CADM2: variants seen among roughly 807,000 people sequenced by gnomAD.
CADM2 encodes the protein cell adhesion molecule 2.
CADM2 carries 12 observed loss-of-function variants against 49.8 expected under a neutral mutation model. The ratio of observed to expected loss-of-function variants is 0.24; its 90% CI spans 0.15 to 0.39. The LOEUF (loss-of-function observed/expected upper bound fraction) is 0.39, where lower values mean the gene tolerates loss of function less well. CADM2 is among the 10% of genes least tolerant of loss of function. CADM2 has a pLI of 1.00. For missense variants in CADM2, 378 were observed against 492.3 expected (o/e 0.77, Z 2.20); for synonymous variants, 214 against 175.4 (o/e 1.22, Z -1.74).
intron 1 of CADM2, among the ~76,000 whole-genome samples, chr3:85,648,448 G>A (rs1160320034): frequency 1.3e-5 from 2 of 151,880 alleles, no homozygotes; most frequent in African/African-American, 4.8e-5. Context: ...AGGGTTTAAT[G>A]CAATGCAAAG....
chr3:85,455,033 A>T (rs1466529066), intron 1 of CADM2, among the ~76,000 whole-genome samples: 3 of 152,228 alleles, frequency 2.0e-5, no homozygotes, highest in Admixed American at 6.5e-5. Context: ...TTGTGGACAA[A>T]TTAGCTATGC....
intron 1 of CADM2, among the ~76,000 whole-genome samples, chr3:85,069,730 T>C (rs1367796969): frequency 6.6e-6 from 1 of 152,150 alleles, no homozygotes; most frequent in Non-Finnish European, 1.5e-5. Flanking sequence ...AAATGCTCTG[T>C]AAAGACTGGG....
chr3:85,106,765 A>G (rs2038242446), intron 1 of CADM2, among the ~76,000 whole-genome samples: 1 of 152,122 alleles, frequency 6.6e-6, no homozygotes, highest in Non-Finnish European at 1.5e-5. Context: ...ACAAGGCAGA[A>G]TAGGGAGGGG....
chr3:85,779,719 G>C (rs1401749249), intron 2 of CADM2, among the ~76,000 whole-genome samples: 1 of 152,096 alleles, frequency 6.6e-6, no homozygotes, highest in African/African-American at 2.4e-5. Flanking sequence ...ACACAACCAA[G>C]CCATATCACC....
At position 85,709,527 on chromosome 3, in the gene CADM2, G is replaced by A. The variant is rs534166848; in HGVS notation, c.62-16995G>A. Among the ~76,000 whole-genome samples the A allele has an allele frequency of 4.6e-5, 7 of 152,178 alleles. No individual in the cohort carries two copies. In the South Asian group the frequency reaches 1.2e-3, roughly 27 times the overall value. ...GTGCTGAACCTACACTAACAAAAAT[G>A]GTTCTTATTTATGATGTGTCAAATT... On this transcript the variant is annotated intron_variant, in intron 1 of 9. Transcript: ENST00000383699.
At chr3:86,009,567 TA>T (rs2106895290) in intron 8 of CADM2, among the ~76,000 whole-genome samples, 1 of 152,010 alleles carries the variant, frequency 6.6e-6, no homozygotes, top group South Asian at 2.1e-4. Flanking sequence ...TTGTAGGTTT[TA>T]CTATGCTTTG....
intron 1 of CADM2, among the ~76,000 whole-genome samples, chr3:85,562,087 C>T (rs559324919): frequency 6.6e-6 from 1 of 152,022 alleles, no homozygotes; most frequent in African/African-American, 2.4e-5. Flanking sequence ...AGCTAGGTAA[C>T]GTTCACTAAG....
At chr3:86,003,519 A>G (rs982904256) in intron 8 of CADM2, among the ~76,000 whole-genome samples, 1 of 152,206 alleles carries the variant, frequency 6.6e-6, no homozygotes, top group South Asian at 2.1e-4. Context: ...TGCTGTGACT[A>G]CAATAATATT....
chr3:85,953,819 C>A (rs1464837974), intron 7 of CADM2, among the ~76,000 whole-genome samples: 1 of 149,956 alleles, frequency 6.7e-6, no homozygotes. Context: ...GAATATACAG[C>A]CATTTTTAAC....
chr3:86,013,915 G>T (rs9881057), intron 8 of CADM2: 267,215 of 1,590,512 alleles, frequency 0.17, 23,175 homozygotes, highest in South Asian at 0.23. Context: ...TACACACTCT[G>T]AACTTCCTGT....
At chr3:85,286,182 G>A (rs982606812) in intron 1 of CADM2, among the ~76,000 whole-genome samples, 4 of 152,140 alleles carry the variant, frequency 2.6e-5, no homozygotes, top group African/African-American at 4.8e-5. Context: ...GGGCTAACAG[G>A]TTGATCTGGG....
At chr3:85,426,274 C>A (rs775269171) in intron 1 of CADM2, among the ~76,000 whole-genome samples, 1 of 151,544 alleles carries the variant, frequency 6.6e-6, no homozygotes, top group African/African-American at 2.4e-5. Flanking sequence ...CCCATGTAGC[C>A]GAGAACACAG....
At chr3:85,350,646 G>A (rs1417812735) in intron 1 of CADM2, among the ~76,000 whole-genome samples, 3 of 152,092 alleles carry the variant, frequency 2.0e-5, no homozygotes, top group Non-Finnish European at 1.5e-5. Flanking sequence ...GGAGCAGGAG[G>A]ACAGTCAGAT....
At chr3:85,324,946 C>T (rs543514060) in intron 1 of CADM2, among the ~76,000 whole-genome samples, 1 of 152,326 alleles carries the variant, frequency 6.6e-6, no homozygotes, top group Non-Finnish European at 1.5e-5. Flanking sequence ...GCCAGCTCTG[C>T]AAGGCCTTGC....
At chr3:85,756,780 G>T (rs1311858585) in intron 2 of CADM2, among the ~76,000 whole-genome samples, 1 of 152,070 alleles carries the variant, frequency 6.6e-6, no homozygotes, top group East Asian at 1.9e-4. Flanking sequence ...GTATCGAATA[G>T]TTTTTTGTGT....
rs76628474 is a variant in CADM2 at position 85,514,497 on chromosome 3, A to G, written c.62-212025A>G. Among the ~76,000 whole-genome samples, 24 of 152,200 alleles carry G rather than the reference A, an allele frequency of 1.6e-4. 2 individuals are homozygous for G. The East Asian group carries it at 4.4e-3, about 28-fold the overall frequency. ...AAGCAAAAATGTGTTTGTCCTAGGA[A>G]GGACATTCAATATATATAATATCAT... On this transcript the variant is annotated intron_variant, in intron 1 of 9. Coordinates refer to ENST00000383699, the MANE Select transcript of CADM2 (RefSeq NM_001167675.2).
At chr3:85,284,069 G>A (rs12486846) in intron 1 of CADM2, among the ~76,000 whole-genome samples, 34,051 of 152,002 alleles carry the variant, frequency 0.22, 6,112 homozygotes, top group African/African-American at 0.5. Context: ...AAGAAAGGTT[G>A]TTTGCAATGA....
chr3:85,757,845 C>T (rs1352943585), intron 2 of CADM2, among the ~76,000 whole-genome samples: 1 of 152,096 alleles, frequency 6.6e-6, no homozygotes, highest in Non-Finnish European at 1.5e-5. Context: ...GATTGACATT[C>T]AAATGTATGT....
chr3:85,812,087 T>C (rs969554300), intron 3 of CADM2, among the ~76,000 whole-genome samples: 4 of 152,076 alleles, frequency 2.6e-5, no homozygotes, highest in Admixed American at 6.6e-5. Flanking sequence ...AAATAAAATA[T>C]GGATTTTGGC....
Sources: gnomAD v4.1 joint callset for allele counts (sites outside exome capture counted in the v4.1 genomes callset) on GRCh38, gnomAD v4.1.1 for gene constraint, MANE v1.5 for transcripts, NCBI Gene and HGNC (gene_info 2026-07-23, HGNC 2026-07-21) for gene names.